The following SEMA3E variants were observed in gnomAD, a reference collection of about 807,000 sequenced individuals.
The protein encoded by SEMA3E is semaphorin 3E, also known as semaphorin-3E.
SEMA3E carries 49 observed loss-of-function variants against 93.6 expected under a neutral mutation model. That is an observed-to-expected ratio of 0.52 (90% CI 0.42 to 0.66). SEMA3E has a LOEUF of 0.66. Among genes scored for constraint, SEMA3E ranks in the 30% least tolerant of loss-of-function variants. The pLI, the probability that SEMA3E is intolerant of heterozygous loss-of-function variation, is 0.00. For missense variants in SEMA3E, 906 were observed against 964.8 expected (o/e 0.94, Z 0.81); for synonymous variants, 363 against 330.7 (o/e 1.10, Z -1.06).
rs367901997 is a variant in SEMA3E at position 83,485,569 on chromosome 7, G to A, written c.276+4545C>T. On this transcript the variant is annotated intron_variant, in intron 2 of 16. Transcript: ENST00000643230. The stretch of plus-strand genomic sequence containing the variant: ...AGAAAACAAAACAAAAGGCAATCCC[G>A]GAAGAATGCAACACACCATCGTATA... 8.0e-4 allele frequency among the ~76,000 whole-genome samples: 121 copies of A among 152,050 alleles called. 2 individuals are homozygous for A. Among genetic ancestry groups the A allele is most frequent in the African/African-American group, 2.8e-3 (115 of 41,484 alleles).
At chr7:83,506,034 T>A (rs55793625) in intron 1 of SEMA3E, among the ~76,000 whole-genome samples, 4,141 of 93,766 alleles carry the variant, frequency 0.044, 122 homozygotes, top group African/African-American at 0.094. Context: ...AAAAAAAAAA[T>A]ATATATATAT....
intron 1 of SEMA3E, among the ~76,000 whole-genome samples, chr7:83,644,529 C>A (rs1389052875): frequency 2.6e-5 from 4 of 151,934 alleles, no homozygotes; most frequent in African/African-American, 9.7e-5. Context: ...GGTGCATTCA[C>A]AGATATTGTT....
Position 83,441,347 on chromosome 7 carries a change from C to T in SEMA3E, c.457-22864G>A, listed in dbSNP as rs1250079616. On this transcript the variant is annotated intron_variant, in intron 4 of 16. Coordinates refer to ENST00000643230, the MANE Select transcript of SEMA3E (RefSeq NM_012431.3). ...CATTTCATATGGGGAATGTGATTTG[C>T]CAATTTGTATGTTTTTTTAAATAAT... 2.0e-5 allele frequency among the ~76,000 whole-genome samples: 3 copies of T among 151,712 alleles called. No homozygotes were observed. The East Asian group carries it at 5.8e-4, about 29-fold the overall frequency.
At chr7:83,584,823 G>C (rs1272100610) in intron 1 of SEMA3E, among the ~76,000 whole-genome samples, 1 of 152,074 alleles carries the variant, frequency 6.6e-6, no homozygotes. Context: ...CCCTTTCACT[G>C]GTCCCTTCTC....
chr7:83,583,928 G>A (rs970631637), intron 1 of SEMA3E, among the ~76,000 whole-genome samples: 2 of 152,112 alleles, frequency 1.3e-5, no homozygotes, highest in Admixed American at 1.3e-4. Context: ...AAATCAGAAA[G>A]AACTTGAGTC....
At chr7:83,396,021 G>T (rs565381038) in intron 12 of SEMA3E, among the ~76,000 whole-genome samples, 1 of 151,040 alleles carries the variant, frequency 6.6e-6, no homozygotes, top group Non-Finnish European at 1.5e-5. Context: ...GACCAAAACT[G>T]CTGCAAATGA....
chr7:83,497,697 A>G (rs1584289757), intron 1 of SEMA3E, among the ~76,000 whole-genome samples: 1 of 152,228 alleles, frequency 6.6e-6, no homozygotes, highest in African/African-American at 2.4e-5. Flanking sequence ...AACACAGACT[A>G]GCTCATTGAT....
chr7:83,366,091 T>C lies in SEMA3E; in HGVS notation c.*1495A>G, dbSNP rs1477622440. 6.6e-6 allele frequency: 1 copy of C among 152,120 alleles called. No individual in the cohort carries two copies. The highest frequency in any genetic ancestry group is 1.5e-5 in the Non-Finnish European group (1 of 67,970). 9.4% of individuals were successfully genotyped at this position (152,120 alleles called of 1,614,324 possible). ...CTTAAAATATTTATGTATTTGTTCA[T>C]TTTACAATGAAATTGCAAGTGATTA... On this transcript the variant is annotated 3_prime_UTR_variant, in exon 17 of 17. Transcript: ENST00000643230.
rs773270428 is a variant in SEMA3E, at chr7:83,363,859, C to A, written c.*3727G>T. On this transcript the variant is annotated 3_prime_UTR_variant, in exon 17 of 17. Coordinates refer to ENST00000643230, the MANE Select transcript of SEMA3E (RefSeq NM_012431.3). ...AGGCTACAGGTGTCACAGGTCAATTCATTTTTTTTTTTTTTTTTTTTTTTT... is the reference window on the plus strand; with the variant it reads ...AGGCTACAGGTGTCACAGGTCAATTAATTTTTTTTTTTTTTTTTTTTTTTT... 5,907 of 100,518 alleles carry A rather than the reference C, an allele frequency of 0.059. 207 individuals are homozygous for A. Among genetic ancestry groups the A allele is most frequent in the Non-Finnish European group, 0.079 (4,303 of 54,754 alleles). The allele number at this position is 100,518 out of a possible 1,614,324, so 6.2% of individuals were successfully genotyped here.
intron 1 of SEMA3E, among the ~76,000 whole-genome samples, chr7:83,555,838 T>A (rs1165231638): frequency 6.6e-6 from 1 of 152,194 alleles, no homozygotes; most frequent in Non-Finnish European, 1.5e-5. Context: ...CTCATTATTA[T>A]CCTCTCATCC....
At chr7:83,619,549 A>G (rs1255612649) in intron 1 of SEMA3E, among the ~76,000 whole-genome samples, 2 of 151,830 alleles carry the variant, frequency 1.3e-5, no homozygotes, top group African/African-American at 4.8e-5. Flanking sequence ...GTAGAAAAAG[A>G]GAAATGAAGA....
intron 2 of SEMA3E, among the ~76,000 whole-genome samples, chr7:83,471,115 G>A (rs1185420929): frequency 6.6e-6 from 1 of 151,806 alleles, no homozygotes; most frequent in Non-Finnish European, 1.5e-5. Flanking sequence ...GTTTAGCAGG[G>A]CTAATTAGCA....
At chr7:83,461,425 C>T (rs1789614337) in intron 4 of SEMA3E, among the ~76,000 whole-genome samples, 1 of 152,190 alleles carries the variant, frequency 6.6e-6, no homozygotes, top group African/African-American at 2.4e-5. Context: ...GTCACCTCCC[C>T]TCCTCACACC....
chr7:83,451,893 T>C (rs952853905), intron 4 of SEMA3E, among the ~76,000 whole-genome samples: 1 of 152,182 alleles, frequency 6.6e-6, no homozygotes, highest in Non-Finnish European at 1.5e-5. Flanking sequence ...CTGATCAAAC[T>C]AAAGAGACAT....
intron 7 of SEMA3E, 104 bp downstream of exon 7, chr7:83,406,993 A>C: frequency 7.2e-7 from 1 of 1,387,634 alleles, no homozygotes; most frequent in Non-Finnish European, 1.0e-6. Flanking sequence ...AGGCAGTCTA[A>C]AGAATACTAG....
At chr7:83,609,951 C>T (rs1793216020) in intron 1 of SEMA3E, among the ~76,000 whole-genome samples, 1 of 151,784 alleles carries the variant, frequency 6.6e-6, no homozygotes. Context: ...AGAGACTCCC[C>T]TCTATTTGGA....
At chr7:83,385,061 A>G (rs1787851063) in intron 16 of SEMA3E, among the ~76,000 whole-genome samples, 1 of 150,760 alleles carries the variant, frequency 6.6e-6, no homozygotes, top group African/African-American at 2.4e-5. Context: ...ATTTCTATGT[A>G]TGTGTATAGC....
chr7:83,400,028 C>G lies in SEMA3E; in HGVS notation c.1366G>C (p.Asp456His). 1 of 1,604,398 alleles carries G rather than the reference C, an allele frequency of 6.2e-7. No homozygotes were observed. The highest frequency in any genetic ancestry group is 8.5e-7 in the Non-Finnish European group (1 of 1,171,214). The stretch of plus-strand genomic sequence containing the variant: ...TCTGAGTACTTTCTCGTCTCTTTAC[C>G]TGTCCCAATAAACAAGACGTCATAT... ...GQYDVLFIGT[D>H]NGIVLKVITI... Residue 456 changes from aspartate to histidine, a missense_variant and splice_region_variant, in exon 11 of 17, where the codon GAT (aspartate) becomes CAT (histidine). Physicochemically the swap from Asp to His is moderately conservative, Grantham distance 81 (BLOSUM62 -1). Transcript: ENST00000643230.
intron 1 of SEMA3E, among the ~76,000 whole-genome samples, chr7:83,572,422 G>A (rs1312068304): frequency 6.6e-6 from 1 of 151,896 alleles, no homozygotes; most frequent in Non-Finnish European, 1.5e-5. Context: ...GGGTGGATCA[G>A]GAGGTCAAGA....
Sources: allele counts gnomAD v4.1 joint callset (sites outside exome capture counted in the v4.1 genomes callset), GRCh38; gene constraint gnomAD v4.1.1; transcripts MANE v1.5; gene names NCBI Gene and HGNC (gene_info 2026-07-23, HGNC 2026-07-21).